The following UBAP2 variants were observed in gnomAD, a reference collection of about 807,000 sequenced individuals.
The protein encoded by UBAP2 is ubiquitin associated protein 2, also known as ubiquitin-associated protein 2.
Under a neutral mutation model 139.6 loss-of-function variants are expected in UBAP2, and 75 were observed. The ratio of observed to expected loss-of-function variants is 0.54; its 90% confidence interval spans 0.45 to 0.65. The LOEUF (loss-of-function observed/expected upper bound fraction) is 0.65. Among genes scored for constraint, UBAP2 ranks in the 30% least tolerant of loss-of-function variants. The pLI, the probability that UBAP2 is intolerant of heterozygous loss-of-function variation, is 0.00. For missense variants in UBAP2, 1,368 were observed against 1,369.6 expected (o/e 1.00, Z 0.02); for synonymous variants, 526 against 526.2 (o/e 1.00, Z 0.01).
chr9:33,966,848 G>A (rs1256023680), intron 8 of UBAP2, among the ~76,000 whole-genome samples: 1 of 151,782 alleles, frequency 6.6e-6, no homozygotes, highest in African/African-American at 2.4e-5. Context: ...CCTCTAAAAA[G>A]GGGAGAATAT....
chr9:33,933,735 A>G, intron 17 of UBAP2, 107 bp from the exon 18 acceptor site: 1 of 1,482,544 alleles, frequency 6.7e-7, no homozygotes, highest in Non-Finnish European at 9.1e-7. Context: ...GCCTCAGTTG[A>G]GACGTCCATA....
rs1269957058 is a variant in UBAP2 at position 34,038,983 on chromosome 9, G to A, written c.-42+9842C>T. Among the ~76,000 whole-genome samples, 4 of 151,388 alleles carry A rather than the reference G, an allele frequency of 2.6e-5. No individual in the cohort carries two copies. The East Asian group carries it at 7.8e-4, about 30-fold the overall frequency. ...TCTGCCCGACCGCGACCCCGTCTGG[G>A]AGTTGAGGAGCGTCTCTGCCCGGCC... On this transcript the variant is annotated intron_variant, in intron 1 of 28. Transcript: ENST00000379238.
intron 1 of UBAP2, among the ~76,000 whole-genome samples, chr9:34,026,168 G>A (rs1406863522): frequency 6.6e-6 from 1 of 152,198 alleles, no homozygotes; most frequent in Non-Finnish European, 1.5e-5. Flanking sequence ...ATACTGAGAA[G>A]AGGGAAGATT....
chr9:33,979,691 G>A (rs1283197407), intron 6 of UBAP2, among the ~76,000 whole-genome samples: 3 of 151,992 alleles, frequency 2.0e-5, no homozygotes, highest in African/African-American at 7.2e-5. Context: ...GACCATCCTG[G>A]CCAACATGGT....
intron 1 of UBAP2, among the ~76,000 whole-genome samples, chr9:34,038,629 A>C (rs566696613): frequency 6.6e-6 from 1 of 152,224 alleles, no homozygotes; most frequent in African/African-American, 2.4e-5. Context: ...ATCTCGGCTC[A>C]CTACAACCTC....
intron 1 of UBAP2, among the ~76,000 whole-genome samples, chr9:34,045,369 A>G (rs532227975): frequency 1.3e-5 from 2 of 151,876 alleles, no homozygotes; most frequent in South Asian, 2.1e-4. Flanking sequence ...AGAAAAAAAT[A>G]AAAATTAAAA....
At chr9:33,941,514 T>C in intron 16 of UBAP2, 135 bp downstream of exon 16, 1 of 758,568 alleles carries the variant, frequency 1.3e-6, no homozygotes, top group Non-Finnish European at 2.1e-6. Flanking sequence ...ACAAACTCAA[T>C]GAACTATAAG....
chr9:33,948,431 T>C lies in UBAP2; in HGVS notation c.1213A>G (p.Thr405Ala), dbSNP rs1315622251. Residue 405 changes from threonine (T) to alanine (A), a missense_variant, in exon 13 of 29, where the codon ACT becomes GCT. Coordinates refer to ENST00000379238, the MANE Select transcript of UBAP2 (RefSeq NM_001370062.2). ...GGGGGCTTGAGGTCCCAAGAAGTAG[T>C]AGTTGTAGGGTGACTTGTACTATTC... ...QQNSTSHPTTTTSWDLKPPTS... is the reference protein window; with the variant it reads ...QQNSTSHPTTATSWDLKPPTS... 21 of 1,613,908 alleles carry C rather than the reference T, an allele frequency of 1.3e-5. No individual in the cohort carries two copies. Among genetic ancestry groups the C allele is most frequent in the Non-Finnish European group, 1.8e-5 (21 of 1,179,874 alleles).
At chr9:33,930,022 T>C (rs950410531) in intron 19 of UBAP2, among the ~76,000 whole-genome samples, 1 of 150,948 alleles carries the variant, frequency 6.6e-6, no homozygotes, top group African/African-American at 2.4e-5. Flanking sequence ...TAATAAGAAA[T>C]AAATAAATAA....
chr9:33,949,199 A>T (rs919913612), intron 12 of UBAP2, among the ~76,000 whole-genome samples: 1 of 150,894 alleles, frequency 6.6e-6, no homozygotes, highest in Non-Finnish European at 1.5e-5. Context: ...TAAAAATAAA[A>T]TAAAATAATA....
intron 16 of UBAP2, among the ~76,000 whole-genome samples, chr9:33,938,020 CAG>C (rs1824750414): frequency 6.6e-6 from 1 of 152,028 alleles, no homozygotes; most frequent in South Asian, 2.1e-4. Context: ...TGTTTTGAGA[CAG>C]TGTCTGGCTC....
At chr9:33,950,422 C>T (rs1045872266) in intron 12 of UBAP2, among the ~76,000 whole-genome samples, 4 of 152,304 alleles carry the variant, frequency 2.6e-5, no homozygotes, top group Admixed American at 1.3e-4. Context: ...ACTTTGCCTT[C>T]CCTCAAGTAA....
At chr9:33,964,337 G>C (rs891618265) in intron 8 of UBAP2, among the ~76,000 whole-genome samples, 8 of 152,090 alleles carry the variant, frequency 5.3e-5, no homozygotes, top group Non-Finnish European at 1.0e-4. Flanking sequence ...CAACAAATTG[G>C]TTTTGCTTAT....
At chr9:33,936,721 C>T (rs1824556978) in intron 16 of UBAP2, among the ~76,000 whole-genome samples, 1 of 151,846 alleles carries the variant, frequency 6.6e-6, no homozygotes, top group Non-Finnish European at 1.5e-5. Flanking sequence ...ATTAAAAGGA[C>T]AGGAAAGAAA....
rs199556221 is a variant in UBAP2, at chr9:34,009,257, G to A, written c.99+7793C>T. Among the ~76,000 whole-genome samples, 6 of 151,638 alleles carry A rather than the reference G, an allele frequency of 4.0e-5. No homozygotes were observed. In the East Asian group the frequency reaches 9.8e-4, roughly 25 times the overall value. Reference sequence around the variant, plus strand: ...GGGATTACAGGTGCACACCACCACGGCCAGCTAATTTTTCTATTTTTAGTA... The same window carrying A: ...GGGATTACAGGTGCACACCACCACGACCAGCTAATTTTTCTATTTTTAGTA... On this transcript the variant is annotated intron_variant, in intron 2 of 28. Coordinates refer to ENST00000379238, the MANE Select transcript of UBAP2 (RefSeq NM_001370062.2).
intron 2 of UBAP2, among the ~76,000 whole-genome samples, chr9:34,016,750 G>T (rs1439627714): frequency 2.0e-5 from 3 of 151,224 alleles, no homozygotes; most frequent in South Asian, 2.1e-4. Flanking sequence ...TAGAGGCAGG[G>T]TTTCACAATG....
At chr9:33,976,855 T>C (rs1213253813) in intron 6 of UBAP2, among the ~76,000 whole-genome samples, 2 of 150,486 alleles carry the variant, frequency 1.3e-5, no homozygotes, top group Non-Finnish European at 3.0e-5. Context: ...TATATATATA[T>C]ACAAAAATTA....
intron 2 of UBAP2, among the ~76,000 whole-genome samples, chr9:34,012,198 A>T (rs1047221923): frequency 6.6e-6 from 1 of 152,184 alleles, no homozygotes; most frequent in Non-Finnish European, 1.5e-5. Flanking sequence ...GAGAGTTGAC[A>T]TCTGAATACA....
Position 33,926,622 on chromosome 9 carries a change from G to A in UBAP2, c.2506C>T (p.Pro836Ser). Residue 836 changes from proline to serine, a missense_variant, in exon 22 of 29, where the codon CCA becomes TCA. Physicochemically the swap from Pro to Ser is moderately conservative, Grantham distance 74 (BLOSUM62 -1). Transcript: ENST00000379238. The part of the protein sequence containing the change: ...DELQMLQSRL[P>S]VDYYGIPFAA... ...CCAGTCCATACCCCACTCACCACTG[G>A]CAGCCGTGACTGCAGCATCTGGAGC... is the stretch of plus-strand genomic sequence containing the variant. The A allele has an allele frequency of 6.2e-7, 1 of 1,614,152 alleles. No homozygotes were observed. The highest frequency in any genetic ancestry group is 8.5e-7 in the Non-Finnish European group (1 of 1,180,022).
Sources: gnomAD v4.1 joint callset for allele counts (sites outside exome capture counted in the v4.1 genomes callset) on GRCh38, gnomAD v4.1.1 for gene constraint, MANE v1.5 for transcripts, NCBI Gene and HGNC (gene_info 2026-07-23, HGNC 2026-07-21) for gene names.